The following SENP1 variants were observed in gnomAD, a reference collection of about 807,000 sequenced individuals.
SENP1 encodes sentrin-specific protease 1.
Under a neutral mutation model 93.0 loss-of-function variants are expected in SENP1, and 21 were observed. The observed-to-expected ratio is 0.23, with a 90% CI of 0.16 to 0.33. The LOEUF (loss-of-function observed/expected upper bound fraction) is 0.33, where lower values mean the gene tolerates loss of function less well. Among genes scored for constraint, SENP1 ranks in the 10% least tolerant of loss-of-function variants. The pLI is 1.00. For synonymous variants in SENP1, 256 were observed against 259.6 expected (o/e 0.99, Z 0.13); for missense variants, 591 against 758.7 (o/e 0.78, Z 2.60).
At chr12:48,103,809 C>G (rs776951341) in intron 1 of SENP1, among the ~76,000 whole-genome samples, 1 of 152,130 alleles carries the variant, frequency 6.6e-6, no homozygotes, top group African/African-American at 2.4e-5. Context: ...CCTGAAAGAA[C>G]AAAAAAGATC....
chr12:48,074,366 G>A lies in SENP1; in HGVS notation c.898C>T (p.His300Tyr), dbSNP rs1162175536. ...HHPHHHHSVP[H>Y]QPDNLAASNT... is the part of the protein sequence containing the mutation. ...GAAGCTGCTAAGTTATCTGGCTGATGTGGAACAGAGTGGTGATGATGGGGA... is the reference window on the plus strand; with the variant it reads ...GAAGCTGCTAAGTTATCTGGCTGATATGGAACAGAGTGGTGATGATGGGGA... Residue 300 changes from histidine to tyrosine, a missense_variant, in exon 8 of 18, where the codon CAT becomes TAT. Transcript: ENST00000549518. The A allele has an allele frequency of 1.2e-6, 2 of 1,613,846 alleles. No homozygotes were observed. Among genetic ancestry groups the A allele is most frequent in the South Asian group, 2.2e-5 (2 of 91,072 alleles).
chr12:48,064,951 A>C (rs923694418), intron 12 of SENP1, 114 bp downstream of exon 12: 7 of 735,484 alleles, frequency 9.5e-6, no homozygotes, highest in Non-Finnish European at 1.4e-5. Context: ...TGATGGGATT[A>C]CAGGCGTGAG....
intron 6 of SENP1, among the ~76,000 whole-genome samples, chr12:48,078,529 T>TA (rs1275607400): frequency 2.0e-5 from 3 of 147,152 alleles, no homozygotes; most frequent in East Asian, 3.9e-4. Flanking sequence ...ATCTTATTTC[T>TA]TTTTTTTTTG....
At chr12:48,056,955 T>A (rs868721586) in intron 13 of SENP1, among the ~76,000 whole-genome samples, 7 of 33,650 alleles carry the variant, frequency 2.1e-4, no homozygotes, top group African/African-American at 1.7e-3. Flanking sequence ...ACATATATAA[T>A]ATATTATTTA....
At chr12:48,085,313 T>C in intron 5 of SENP1, 1 of 1,494,890 alleles carries the variant, frequency 6.7e-7, no homozygotes, top group Non-Finnish European at 9.3e-7. Flanking sequence ...ACCAGCACTC[T>C]ATCCCTACTG....
At chr12:48,054,446 G>T (rs1385327862) in intron 13 of SENP1, among the ~76,000 whole-genome samples, 1 of 152,050 alleles carries the variant, frequency 6.6e-6, no homozygotes, top group Non-Finnish European at 1.5e-5. Flanking sequence ...TGTTTGCAGG[G>T]TATATTTTTT....
chr12:48,101,724 T>C (rs1333704022), intron 1 of SENP1, among the ~76,000 whole-genome samples: 1 of 152,194 alleles, frequency 6.6e-6, no homozygotes, highest in East Asian at 1.9e-4. Flanking sequence ...TGTACTACAT[T>C]AAACAGCAAT....
chr12:48,088,292 T>A (rs1207629857), intron 5 of SENP1, among the ~76,000 whole-genome samples: 1 of 152,174 alleles, frequency 6.6e-6, no homozygotes, highest in Non-Finnish European at 1.5e-5. Flanking sequence ...TGACCTCAGG[T>A]GATCCACCTG....
chr12:48,057,422 G>T (rs1942623621), intron 13 of SENP1, among the ~76,000 whole-genome samples: 1 of 147,984 alleles, frequency 6.8e-6, no homozygotes, highest in Admixed American at 6.8e-5. Context: ...TAGAGACAGG[G>T]TTTCAGCATG....
intron 13 of SENP1, among the ~76,000 whole-genome samples, chr12:48,053,403 G>A (rs1193998019): frequency 3.3e-5 from 5 of 151,246 alleles, no homozygotes; most frequent in African/African-American, 4.9e-5. Context: ...ACTTTAGCTC[G>A]GGAGTTTGAG....
chr12:48,096,031 C>T (rs914213609), intron 4 of SENP1, among the ~76,000 whole-genome samples: 6 of 152,218 alleles, frequency 3.9e-5, no homozygotes, highest in African/African-American at 1.4e-4. Context: ...ACACCCTTTA[C>T]ACACATCACA....
chr12:48,074,426 C>G lies in SENP1; in HGVS notation c.838G>C (p.Ala280Pro). 1 of 1,613,658 alleles carries G rather than the reference C, an allele frequency of 6.2e-7. No homozygotes were observed. The highest frequency in any genetic ancestry group is 8.5e-7 in the Non-Finnish European group (1 of 1,179,686). ...GTACCAGAATCTTTGGATCCAAATG[C>G]AACATCTGGGGTATAAGAAGATAGG... ...YSLSSYTPDVAFGSKDSGTLH... is the reference protein window; with the variant it reads ...YSLSSYTPDVPFGSKDSGTLH... Residue 280 changes from alanine (A) to proline (P), a missense_variant, in exon 8 of 18, where the codon GCA (alanine) becomes CCA (proline). By Grantham distance (27) the Ala-to-Pro change is conservative. Around this residue, in one of 4 missense-constraint regions of SENP1, gnomAD observed 238 missense variants for 259.1 expected, o/e 0.92. Coordinates refer to ENST00000549518, the MANE Select transcript of SENP1 (RefSeq NM_001267594.2).
chr12:48,095,685 G>C (rs753905774), intron 4 of SENP1, among the ~76,000 whole-genome samples: 11 of 152,052 alleles, frequency 7.2e-5, no homozygotes, highest in Non-Finnish European at 1.2e-4. Flanking sequence ...CTACAGCCAA[G>C]AGGCTAACCA....
chr12:48,066,918 A>C lies in SENP1; in HGVS notation c.1034+9T>G. 6.4e-7 allele frequency: 1 copy of C among 1,551,606 alleles called. No individual in the cohort carries two copies. The highest frequency in any genetic ancestry group is 8.7e-7 in the Non-Finnish European group (1 of 1,143,528). ...TTGAGAAGGAAAAATGATACCAAAA[A>C]TAACTTACAATTCTTTGATCCACAG... is the stretch of plus-strand genomic sequence containing the variant. On this transcript the variant is annotated intron_variant, in intron 10 of 17. Transcript: ENST00000549518.
At chr12:48,076,642 G>GTT in intron 6 of SENP1, among the ~76,000 whole-genome samples, 1 of 144,650 alleles carries the variant, frequency 6.9e-6, no homozygotes, top group Non-Finnish European at 1.5e-5. Flanking sequence ...TGTAGTTTTT[G>GTT]CTTTTTTTTT....
intron 10 of SENP1, among the ~76,000 whole-genome samples, chr12:48,066,532 G>C (rs1157988517): frequency 6.9e-6 from 1 of 144,720 alleles, no homozygotes. Flanking sequence ...TTTTTTTTGA[G>C]ATGGAGTCTT....
chr12:48,068,611 G>T (rs546435274), intron 9 of SENP1, among the ~76,000 whole-genome samples: 5 of 151,980 alleles, frequency 3.3e-5, no homozygotes, highest in Non-Finnish European at 7.4e-5. Flanking sequence ...AAAAAAAAGC[G>T]GGGGAGGAAT....
intron 13 of SENP1, among the ~76,000 whole-genome samples, chr12:48,056,932 TATATTAC>T (rs1356225437): frequency 1.9e-5 from 1 of 52,260 alleles, no homozygotes; most frequent in Non-Finnish European, 2.8e-5. Context: ...TATTATTTAA[TATATTAC>T]ATATTACATA....
chr12:48,052,741 T>C (rs191685433), intron 13 of SENP1, among the ~76,000 whole-genome samples: 2 of 152,330 alleles, frequency 1.3e-5, no homozygotes, highest in Admixed American at 1.3e-4. Context: ...AACATGTTTA[T>C]GGAGTCATTT....
Sources: gnomAD v4.1 joint callset for allele counts (sites outside exome capture counted in the v4.1 genomes callset) on GRCh38, gnomAD v4.1.1 for gene constraint, gnomAD v4.1.1 regional missense constraint, MANE v1.5 for transcripts, NCBI Gene and HGNC (gene_info 2026-07-23, HGNC 2026-07-21) for gene names.